Variants in MSRA observed in about 807,000 individuals in gnomAD.
The protein encoded by MSRA is mitochondrial peptide methionine sulfoxide reductase.
Under a neutral mutation model 31.3 loss-of-function variants are expected in MSRA, and 54 were observed. The observed-to-expected ratio is 1.73, with a 90% CI of 1.39 to 2.17. MSRA has a LOEUF of 2.17. Among genes scored for constraint, MSRA ranks in the 30% most tolerant of loss-of-function variants. MSRA has a pLI of 0.00. For synonymous variants in MSRA, 169 were observed against 116.5 expected (o/e 1.45, Z -2.90); for missense variants, 507 against 300.9 (o/e 1.69, Z -5.07).
intron 1 of MSRA, among the ~76,000 whole-genome samples, chr8:10,195,301 CACAATCTCGGCTCATT>C (rs1807873132): frequency 6.6e-6 from 1 of 152,202 alleles, no homozygotes; most frequent in Non-Finnish European, 1.5e-5. Flanking sequence ...AGTGCAGTGG[CACAATCTCGGCTCATT>C]GCAATCTCTG....
intron 1 of MSRA, among the ~76,000 whole-genome samples, chr8:10,141,028 C>G (rs17690549): frequency 0.34 from 51,523 of 151,952 alleles, 9,974 homozygotes; most frequent in Middle Eastern, 0.5. Flanking sequence ...ACTGGTGTAA[C>G]ATAAGAAAAG....
intron 1 of MSRA, among the ~76,000 whole-genome samples, chr8:10,180,077 G>T (rs1806403254): frequency 6.6e-6 from 1 of 152,152 alleles, no homozygotes; most frequent in South Asian, 2.1e-4. Flanking sequence ...AAGGGACTCA[G>T]TCCTTCAAGG....
chr8:10,153,476 T>C (rs1470435841), intron 1 of MSRA, among the ~76,000 whole-genome samples: 1 of 151,856 alleles, frequency 6.6e-6, no homozygotes, highest in Non-Finnish European at 1.5e-5. Context: ...CGGAGGAGAA[T>C]GCTCACACCA....
chr8:10,145,215 G>A (rs1345146584), intron 1 of MSRA, among the ~76,000 whole-genome samples: 1 of 152,202 alleles, frequency 6.6e-6, no homozygotes, highest in East Asian at 1.9e-4. Flanking sequence ...TCCGATCGGA[G>A]CACCTGTTCT....
At chr8:10,245,333 C>A in intron 3 of MSRA, 110 bp downstream of exon 3, 1 of 1,042,698 alleles carries the variant, frequency 9.6e-7, no homozygotes, top group South Asian at 1.7e-5. Flanking sequence ...AAAAATGTTT[C>A]TTCAATCTTT....
intron 3 of MSRA, among the ~76,000 whole-genome samples, chr8:10,293,562 G>A (rs530820895): frequency 2.3e-4 from 35 of 152,316 alleles, no homozygotes; most frequent in African/African-American, 7.9e-4. Flanking sequence ...GATTTTGGAC[G>A]AGCACTGTGT....
chr8:10,206,400 T>C (rs1808980566), intron 1 of MSRA, among the ~76,000 whole-genome samples: 1 of 152,122 alleles, frequency 6.6e-6, no homozygotes. Context: ...TTCTCCCTTT[T>C]CCCAGGCTTT....
At chr8:10,104,601 G>C (rs541385975) in intron 1 of MSRA, among the ~76,000 whole-genome samples, 8 of 152,268 alleles carry the variant, frequency 5.3e-5, no homozygotes, top group African/African-American at 1.9e-4. Context: ...AGGGGTTGTG[G>C]AGACCAAGGT....
intron 5 of MSRA, among the ~76,000 whole-genome samples, chr8:10,397,328 G>A (rs966515370): frequency 6.6e-6 from 1 of 152,202 alleles, no homozygotes; most frequent in African/African-American, 2.4e-5. Flanking sequence ...TACTTTGTAG[G>A]AGCTCAGGAA....
intron 4 of MSRA, among the ~76,000 whole-genome samples, chr8:10,319,147 T>G (rs1474310639): frequency 6.6e-6 from 1 of 152,170 alleles, no homozygotes; most frequent in African/African-American, 2.4e-5. Flanking sequence ...GGTCTCTGTT[T>G]CCCCTGATTA....
intron 1 of MSRA, among the ~76,000 whole-genome samples, chr8:10,056,124 T>C (rs1385972316): frequency 6.8e-6 from 1 of 147,140 alleles, no homozygotes; most frequent in Non-Finnish European, 1.5e-5. Context: ...ACTTTTCAAA[T>C]GCCAGACTTC....
At chr8:10,060,774 A>C (rs149080203) in intron 1 of MSRA, among the ~76,000 whole-genome samples, 19 of 152,266 alleles carry the variant, frequency 1.2e-4, no homozygotes, top group Middle Eastern at 3.4e-3. Context: ...AAGTTAATCC[A>C]AGTCATTTTA....
intron 3 of MSRA, among the ~76,000 whole-genome samples, chr8:10,273,379 C>G (rs1247577737): frequency 1.3e-5 from 2 of 152,172 alleles, no homozygotes; most frequent in South Asian, 2.1e-4. Context: ...TTAGTTACTT[C>G]TACCCCCTAG....
At chr8:10,093,231 A>G (rs375146357) in intron 1 of MSRA, among the ~76,000 whole-genome samples, 2 of 152,130 alleles carry the variant, frequency 1.3e-5, no homozygotes, top group South Asian at 2.1e-4. Flanking sequence ...CTATTGGGCT[A>G]TATTCTACGT....
At chr8:10,120,870 A>G (rs550001060) in intron 1 of MSRA, among the ~76,000 whole-genome samples, 3 of 152,206 alleles carry the variant, frequency 2.0e-5, no homozygotes, top group Non-Finnish European at 2.9e-5. Context: ...GTACACGTCC[A>G]TGATTTGCAT....
intron 5 of MSRA, chr8:10,337,697 C>T (rs1013072339): frequency 2.8e-6 from 2 of 702,548 alleles, no homozygotes; most frequent in East Asian, 2.7e-5. Flanking sequence ...TATACTCCTC[C>T]TCTCTCGGCA....
At chr8:10,172,790 G>A (rs1415683714) in intron 1 of MSRA, among the ~76,000 whole-genome samples, 4 of 152,170 alleles carry the variant, frequency 2.6e-5, no homozygotes, top group Non-Finnish European at 4.4e-5. Context: ...TCACCCCTTC[G>A]CTTACTCGGA....
intron 3 of MSRA, among the ~76,000 whole-genome samples, chr8:10,248,573 G>C (rs953949410): frequency 6.6e-6 from 1 of 152,246 alleles, no homozygotes. Flanking sequence ...GTGAGCGAGA[G>C]AGTGTGGATG....
intron 5 of MSRA, among the ~76,000 whole-genome samples, chr8:10,352,113 T>C (rs7818437): frequency 0.28 from 42,890 of 152,118 alleles, 7,201 homozygotes; most frequent in African/African-American, 0.46. Context: ...TGATTGATCA[T>C]TGGGCATCAG....
Sources: allele counts gnomAD v4.1 joint callset (sites outside exome capture counted in the v4.1 genomes callset), GRCh38; gene constraint gnomAD v4.1.1; transcripts MANE v1.5; gene names NCBI Gene and HGNC (gene_info 2026-07-23, HGNC 2026-07-21).